Variants in SYT1 observed in about 807,000 individuals in gnomAD.
The protein encoded by SYT1 is synaptotagmin 1, also known as synaptotagmin-1.
SYT1 carries 8 observed loss-of-function variants against 44.8 expected under a neutral mutation model. That is an observed-to-expected ratio of 0.18 (90% CI 0.10 to 0.32). The LOEUF (loss-of-function observed/expected upper bound fraction) is 0.32, where lower values mean the gene tolerates loss of function less well. Ranked by LOEUF, SYT1 falls within the 10% of genes least tolerant of loss-of-function variation. The probability of loss-of-function intolerance (pLI) is 1.00; values close to 1 mark genes in which losing one functional copy is unlikely to be tolerated. For synonymous variants in SYT1, 154 were observed against 188.8 expected (o/e 0.82, Z 1.51); for missense variants, 286 against 509.3 (o/e 0.56, Z 4.22).
chr12:79,398,578 AC>A (rs1403801744), intron 9 of SYT1, among the ~76,000 whole-genome samples: 1 of 152,146 alleles, frequency 6.6e-6, no homozygotes, highest in African/African-American at 2.4e-5. Flanking sequence ...ATGGTCCTTG[AC>A]TCTAGAAGTC....
At chr12:78,985,408 T>G (rs1289428878) in intron 2 of SYT1, among the ~76,000 whole-genome samples, 1 of 151,724 alleles carries the variant, frequency 6.6e-6, no homozygotes, top group Non-Finnish European at 1.5e-5. Flanking sequence ...CTAAAATAAC[T>G]CCCCTTCAAG....
intron 3 of SYT1, among the ~76,000 whole-genome samples, chr12:79,069,694 A>G (rs1841072037): frequency 6.6e-6 from 1 of 152,142 alleles, no homozygotes; most frequent in South Asian, 2.1e-4. Context: ...TGAACACATA[A>G]TAAGTATGAA....
rs1024784711 is a variant in SYT1 at position 79,260,848 on chromosome 12, A to T, written c.167-24939A>T. 3.3e-5 allele frequency among the ~76,000 whole-genome samples: 5 copies of T among 152,170 alleles called. No homozygotes were observed. The East Asian group carries it at 7.7e-4, about 23-fold the overall frequency. ...CTTGGGTCTCAAGCCATTCTGTTAA[A>T]AGGGGAAAGGAGTAATATCATTATA... is the stretch of plus-strand genomic sequence containing the variant. On this transcript the variant is annotated intron_variant, in intron 4 of 10. Coordinates refer to ENST00000261205, the MANE Select transcript of SYT1 (RefSeq NM_005639.3).
chr12:79,398,333 T>C (rs1884948533), intron 9 of SYT1, among the ~76,000 whole-genome samples: 1 of 152,248 alleles, frequency 6.6e-6, no homozygotes, highest in South Asian at 2.1e-4. Context: ...TTGACTTGGC[T>C]TTTAAATACT....
chr12:79,285,799 C>T lies in SYT1; in HGVS notation c.179C>T (p.Ala60Val). 1 of 1,605,978 alleles carries T rather than the reference C, an allele frequency of 6.2e-7. No individual in the cohort carries two copies. Among genetic ancestry groups the T allele is most frequent in the Non-Finnish European group, 8.5e-7 (1 of 1,177,806 alleles). Residue 60 changes from alanine to valine, a missense_variant, in exon 5 of 11, where the codon GCC becomes GTC. By Grantham distance (64) the Ala-to-Val change is moderately conservative. Coordinates refer to ENST00000261205, the MANE Select transcript of SYT1 (RefSeq NM_005639.3). ...GTGTTTCTTTCAGTGCCACCGTGGG[C>T]CTTAATTGCAATAGCCATAGTCGCA... ...ELHKIPLPPW[A>V]LIAIAIVAVL...
intron 5 of SYT1, among the ~76,000 whole-genome samples, chr12:79,288,887 C>T (rs942229692): frequency 6.6e-6 from 1 of 152,170 alleles, no homozygotes. Context: ...CGCTCAGATA[C>T]ATTTAGTGGC....
intron 2 of SYT1, among the ~76,000 whole-genome samples, chr12:78,985,157 A>T (rs1869551366): frequency 6.6e-6 from 1 of 151,932 alleles, no homozygotes; most frequent in South Asian, 2.1e-4. Context: ...TTTAAAAGAC[A>T]GCTATTTATC....
At chr12:79,253,066 C>T (rs1040148923) in intron 4 of SYT1, among the ~76,000 whole-genome samples, 3 of 152,116 alleles carry the variant, frequency 2.0e-5, no homozygotes. Flanking sequence ...TGAAAGTCTC[C>T]TCCAGGTTTC....
chr12:78,961,937 ATAT>A (rs1287648887), intron 1 of SYT1, among the ~76,000 whole-genome samples: 2 of 152,214 alleles, frequency 1.3e-5, no homozygotes, highest in African/African-American at 2.4e-5. Context: ...ATAAAAGGTA[ATAT>A]TATAATATTC....
intron 4 of SYT1, among the ~76,000 whole-genome samples, chr12:79,261,846 GT>G (rs1234914794): frequency 1.1e-4 from 17 of 152,090 alleles, no homozygotes; most frequent in African/African-American, 4.1e-4. Flanking sequence ...AATTCTCTGA[GT>G]CCAAACCTCT....
chr12:79,129,215 T>A (rs1868646737), intron 3 of SYT1, among the ~76,000 whole-genome samples: 2 of 152,218 alleles, frequency 1.3e-5, no homozygotes, highest in African/African-American at 4.8e-5. Flanking sequence ...TGTTTTATTA[T>A]GCTTTTATTT....
intron 3 of SYT1, among the ~76,000 whole-genome samples, chr12:79,197,527 C>T (rs1384847650): frequency 2.0e-5 from 3 of 152,114 alleles, no homozygotes; most frequent in African/African-American, 4.8e-5. Context: ...TAATCAAGAA[C>T]ATTTCATCCA....
intron 9 of SYT1, among the ~76,000 whole-genome samples, chr12:79,375,807 G>A (rs1406635722): frequency 6.6e-6 from 1 of 151,864 alleles, no homozygotes; most frequent in Non-Finnish European, 1.5e-5. Flanking sequence ...ATATAAACCA[G>A]GTACCTAGCA....
rs572683017 is a variant in SYT1, at chr12:79,350,038, AT to A, written c.811-3462del. On this transcript the variant is annotated intron_variant, in intron 8 of 10. Coordinates refer to ENST00000261205, the MANE Select transcript of SYT1 (RefSeq NM_005639.3). Reference sequence around the variant, plus strand: ...AAGACTTCACTGAGGAAATGAAAATATTGGTTTCCAAAAATTCGTACTGGCA... The same window carrying A: ...AAGACTTCACTGAGGAAATGAAAATATGGTTTCCAAAAATTCGTACTGGCA... Among the ~76,000 whole-genome samples, 78 of 152,198 alleles carry A rather than the reference AT, an allele frequency of 5.1e-4. 2 individuals are homozygous for A. The South Asian group carries it at 0.015, about 30-fold the overall frequency.
At chr12:78,876,857 A>ATTAC (rs1491556197) in intron 1 of SYT1, among the ~76,000 whole-genome samples, 1 of 52,824 alleles carries the variant, frequency 1.9e-5, no homozygotes, top group South Asian at 7.6e-4. Flanking sequence ...TATTATATAT[A>ATTAC]ATATATATAA....
chr12:79,273,243 A>G (rs113902048), intron 4 of SYT1, among the ~76,000 whole-genome samples: 6 of 151,686 alleles, frequency 4.0e-5, no homozygotes, highest in African/African-American at 1.5e-4. Flanking sequence ...CAGCTCCTAC[A>G]TAGCTGGGAC....
At chr12:78,990,709 A>G (rs1189953857) in intron 2 of SYT1, among the ~76,000 whole-genome samples, 1 of 152,198 alleles carries the variant, frequency 6.6e-6, no homozygotes, top group East Asian at 1.9e-4. Flanking sequence ...TGATATGGAT[A>G]ACAATAGCTG....
intron 2 of SYT1, among the ~76,000 whole-genome samples, chr12:78,991,407 A>C (rs1870000899): frequency 6.6e-6 from 1 of 152,124 alleles, no homozygotes; most frequent in Admixed American, 6.6e-5. Flanking sequence ...ATAAAACATC[A>C]TATCATGTCT....
chr12:78,973,929 AAAAAAAAAAATATATATATATATATATAT>A (rs1211693970), intron 1 of SYT1, among the ~76,000 whole-genome samples: 7 of 38,484 alleles, frequency 1.8e-4, no homozygotes, highest in African/African-American at 3.3e-4. Context: ...AAAAAAAAAA[AAAAAAAAAAATATATATATATATATATAT>A]ATATATATAT....
Sources: gnomAD v4.1 joint callset for allele counts (sites outside exome capture counted in the v4.1 genomes callset) on GRCh38, gnomAD v4.1.1 for gene constraint, MANE v1.5 for transcripts, NCBI Gene and HGNC (gene_info 2026-07-23, HGNC 2026-07-21) for gene names.